SCARA3: variants seen among roughly 807,000 people sequenced by gnomAD.
The protein encoded by SCARA3 is scavenger receptor class A member 3, also known as cellular stress response gene protein.
Under a neutral mutation model 47.0 loss-of-function variants are expected in SCARA3, and 39 were observed. The ratio of observed to expected loss-of-function variants is 0.83; its 90% confidence interval spans 0.64 to 1.08. The LOEUF (loss-of-function observed/expected upper bound fraction) is 1.08. Ranked by LOEUF, SCARA3 falls within the 50% of genes least tolerant of loss-of-function variation. The pLI, the probability that SCARA3 is intolerant of heterozygous loss-of-function variation, is 0.00. For synonymous variants in SCARA3, 356 were observed against 334.1 expected (o/e 1.07, Z -0.71); for missense variants, 724 against 792.3 (o/e 0.91, Z 1.04).
chr8:27,714,659 T>C, the SCARA3 span, among the ~76,000 whole-genome samples: 60 of 152,242 alleles, frequency 3.9e-4, no homozygotes, highest in African/African-American at 1.3e-3. Flanking sequence ...TTGATTTCCA[T>C]ATCTATATCT....
the SCARA3 span, among the ~76,000 whole-genome samples, chr8:27,719,386 A>G: frequency 2.2e-4 from 34 of 152,248 alleles, no homozygotes; most frequent in African/African-American, 7.9e-4. Flanking sequence ...TCAGAGGGTG[A>G]AGAGTGGGAG....
the SCARA3 span, among the ~76,000 whole-genome samples, chr8:27,682,765 T>C: frequency 6.6e-6 from 1 of 152,208 alleles, no homozygotes; most frequent in African/African-American, 2.4e-5. Context: ...TACATTGTTA[T>C]AGGGAATGTA....
Position 27,658,813 on chromosome 8 carries a change from GA to G in SCARA3, c.644del (p.Asp215ValfsTer32). ...GAAGGACCTCACCCAGGAGTGCTAC[GA>G]TGTCAAGGCTGCAGTGCACCAGATC... ...SLKDLTQECY[D>X]VKAAVHQINF... On this transcript the variant is annotated frameshift_variant, in exon 5 of 6. Coordinates refer to ENST00000301904, the MANE Select transcript of SCARA3 (RefSeq NM_016240.3). LOFTEE classifies it high-confidence loss of function. 6.2e-7 allele frequency: 1 copy of G among 1,614,144 alleles called. No homozygotes were observed. Among genetic ancestry groups the G allele is most frequent in the Non-Finnish European group, 8.5e-7 (1 of 1,180,022 alleles).
the SCARA3 span, among the ~76,000 whole-genome samples, chr8:27,723,580 C>T: frequency 6.6e-6 from 1 of 152,202 alleles, no homozygotes; most frequent in Non-Finnish European, 1.5e-5. Context: ...CTTCTCTGTA[C>T]TAAAAATACC....
chr8:27,677,322 G>T (rs1035099590), downstream of SCARA3, among the ~76,000 whole-genome samples: 1 of 152,202 alleles, frequency 6.6e-6, no homozygotes, highest in African/African-American at 2.4e-5. Flanking sequence ...TGCCAAGGCA[G>T]CTGGAATTGG....
chr8:27,727,344 G>C, the SCARA3 span, among the ~76,000 whole-genome samples: 2 of 152,176 alleles, frequency 1.3e-5, no homozygotes, highest in African/African-American at 4.8e-5. Flanking sequence ...GTGAGGTGCA[G>C]CACTTCCTGT....
chr8:27,669,126 CAGG>C (rs1393982722), intron 5 of SCARA3, among the ~76,000 whole-genome samples: 2 of 152,038 alleles, frequency 1.3e-5, no homozygotes, highest in African/African-American at 4.8e-5. Context: ...GAAGTGAGCC[CAGG>C]AGGAGTCGGG....
chr8:27,649,863 C>A, intron 2 of SCARA3, 63 bp downstream of exon 2: 1 of 1,383,036 alleles, frequency 7.2e-7, no homozygotes, highest in Non-Finnish European at 1.0e-6. Context: ...TCTCCATCCC[C>A]AGGCCAGTGA....
chr8:27,654,359 A>G (rs1425818394), intron 3 of SCARA3, among the ~76,000 whole-genome samples: 1 of 152,234 alleles, frequency 6.6e-6, no homozygotes, highest in Non-Finnish European at 1.5e-5. Context: ...CATATTGTCT[A>G]CATAAAACAT....
chr8:27,709,335 G>C, the SCARA3 span, among the ~76,000 whole-genome samples: 4 of 152,200 alleles, frequency 2.6e-5, no homozygotes, highest in African/African-American at 9.6e-5. Flanking sequence ...GGCCCAGGGA[G>C]GAGAAGTCCT....
intron 1 of SCARA3, among the ~76,000 whole-genome samples, chr8:27,637,152 G>A (rs372128157): frequency 1.3e-5 from 2 of 152,226 alleles, no homozygotes; most frequent in East Asian, 3.9e-4. Context: ...ACCGGTGGCC[G>A]AGTGCCAGGG....
the SCARA3 span, among the ~76,000 whole-genome samples, chr8:27,733,115 T>A: frequency 6.6e-6 from 1 of 152,138 alleles, no homozygotes; most frequent in Non-Finnish European, 1.5e-5. Context: ...TCAATCCTCC[T>A]CCTGGAATTC....
chr8:27,731,638 T>A, the SCARA3 span, among the ~76,000 whole-genome samples: 6 of 53,054 alleles, frequency 1.1e-4, no homozygotes, highest in Admixed American at 1.5e-3. Context: ...CGAGACTCTG[T>A]CTCAAAAAAA....
chr8:27,710,317 G>A, the SCARA3 span, among the ~76,000 whole-genome samples: 1 of 151,936 alleles, frequency 6.6e-6, no homozygotes, highest in African/African-American at 2.4e-5. Flanking sequence ...ATAGTGTGGG[G>A]CCAAGAAAAA....
chr8:27,681,132 G>A (rs920716233), downstream of SCARA3, among the ~76,000 whole-genome samples: 5 of 152,126 alleles, frequency 3.3e-5, no homozygotes. Context: ...TGTACTGGAG[G>A]CCCTATCCTG....
the SCARA3 span, chr8:27,702,650 T>C: frequency 6.6e-6 from 1 of 152,414 alleles, no homozygotes; most frequent in Non-Finnish European, 1.5e-5. Flanking sequence ...GAGAGGGTAC[T>C]GGGGAGGCAG....
chr8:27,651,730 C>T (rs1801638302), intron 3 of SCARA3, 103 bp downstream of exon 3: 1 of 1,465,690 alleles, frequency 6.8e-7, no homozygotes, highest in South Asian at 1.3e-5. Flanking sequence ...ATCTGTATCC[C>T]AGGGCCCAGA....
At position 27,671,647 on chromosome 8, in the gene SCARA3, CACACA is replaced by C. The variant is rs1563415053; in HGVS notation, c.*297_*301del. 8.8e-7 allele frequency: 1 copy of C among 1,131,520 alleles called. No individual in the cohort carries two copies. The highest frequency in any genetic ancestry group is 4.0e-5 in the East Asian group (1 of 25,178). The allele number at this position is 1,131,520 out of a possible 1,614,324, so 70.1% of individuals were successfully genotyped here. On this transcript the variant is annotated 3_prime_UTR_variant, in exon 6 of 6. Transcript: ENST00000301904. Reference sequence around the variant, plus strand: ...ATACACAGGCATACATGCATGCACACACACATGCACGCACACACACATGCACACAT... The same window carrying C: ...ATACACAGGCATACATGCATGCACACTGCACGCACACACACATGCACACAT...
the SCARA3 span, among the ~76,000 whole-genome samples, chr8:27,696,153 G>T: frequency 5.9e-4 from 89 of 151,942 alleles, no homozygotes; most frequent in Non-Finnish European, 1.0e-3. Context: ...GGGACTAAAG[G>T]CACATGCCAC....
Sources: allele counts gnomAD v4.1 joint callset (sites outside exome capture counted in the v4.1 genomes callset), GRCh38; gene constraint gnomAD v4.1.1; transcripts MANE v1.5; gene names NCBI Gene and HGNC (gene_info 2026-07-23, HGNC 2026-07-21).